Variants in NTRK2 observed in about 807,000 individuals in gnomAD.
The protein encoded by NTRK2 is BDNF/NT-3 growth factors receptor.
A neutral mutation model predicts 94.5 loss-of-function variants in NTRK2; 13 were observed. The observed-to-expected ratio is 0.14, with a 90% CI of 0.09 to 0.22. NTRK2 has a LOEUF of 0.22. Among genes scored for constraint, NTRK2 ranks in the 10% least tolerant of loss-of-function variants. The pLI is 1.00. For missense variants in NTRK2, 639 were observed against 1,071.2 expected (o/e 0.60, Z 5.63); for synonymous variants, 372 against 407.4 (o/e 0.91, Z 1.05).
chr9:84,785,503 C>T (rs537858774), intron 12 of NTRK2, among the ~76,000 whole-genome samples: 10 of 152,232 alleles, frequency 6.6e-5, no homozygotes, highest in South Asian at 6.2e-4. Context: ...AAGTGGCTTC[C>T]GTGGATCAAG....
intron 7 of NTRK2, 100 bp downstream of exon 7, chr9:84,723,809 G>T (rs927242606): frequency 3.4e-6 from 5 of 1,489,338 alleles, no homozygotes; most frequent in Non-Finnish European, 3.7e-6. Flanking sequence ...ATTTTATAAG[G>T]CTACATATAG....
intron 9 of NTRK2, among the ~76,000 whole-genome samples, chr9:84,738,724 GTTTA>G (rs1277806449): frequency 1.3e-5 from 2 of 151,570 alleles, no homozygotes; most frequent in African/African-American, 2.4e-5. Context: ...ACTGAGAGGT[GTTTA>G]TTTGTTGTGG....
At chr9:85,006,382 C>T (rs2133460138) in intron 17 of NTRK2, among the ~76,000 whole-genome samples, 1 of 152,310 alleles carries the variant, frequency 6.6e-6, no homozygotes, top group Non-Finnish European at 1.5e-5. Context: ...TTAAGCTCTG[C>T]TGGCCCTCTT....
intron 14 of NTRK2, among the ~76,000 whole-genome samples, chr9:84,928,706 T>G (rs990913413): frequency 3.9e-5 from 6 of 152,180 alleles, no homozygotes; most frequent in African/African-American, 1.4e-4. Flanking sequence ...GTCTCGATGA[T>G]CTTTAAGTTC....
chr9:85,024,865 A>T lies in NTRK2; in HGVS notation c.*3428A>T. On this transcript the variant is annotated 3_prime_UTR_variant, in exon 19 of 19. Transcript: ENST00000277120. ...GATTATATCAGAATTCATATTATAC[A>T]TGTGTTCACATCAGCGCTACCTGTG... The T allele has an allele frequency of 4.3e-6, 1 of 232,948 alleles. No individual in the cohort carries two copies. The highest frequency in any genetic ancestry group is 8.5e-6 in the Non-Finnish European group (1 of 117,858). The allele number at this position is 232,948 out of a possible 1,614,324, so 14.4% of individuals were successfully genotyped here. A position where few individuals can be genotyped will look rare whatever the true frequency, so the allele number is the denominator to read the frequency against.
intron 11 of NTRK2, among the ~76,000 whole-genome samples, chr9:84,745,542 G>A (rs560354058): frequency 1.2e-4 from 18 of 152,274 alleles, no homozygotes; most frequent in African/African-American, 4.3e-4. Context: ...GTGAATATTA[G>A]CACCTCAAAT....
chr9:84,709,561 A>G (rs2061305738), intron 5 of NTRK2, among the ~76,000 whole-genome samples: 1 of 152,166 alleles, frequency 6.6e-6, no homozygotes, highest in Non-Finnish European at 1.5e-5. Context: ...AACTCCTGGA[A>G]AAGTCTCCAG....
intron 6 of NTRK2, among the ~76,000 whole-genome samples, chr9:84,720,851 A>G (rs1489153180): frequency 6.6e-6 from 1 of 152,214 alleles, no homozygotes; most frequent in African/African-American, 2.4e-5. Context: ...TGACAGAGGA[A>G]TGAACAACCT....
At chr9:84,897,944 G>T (rs1043776345) in intron 14 of NTRK2, among the ~76,000 whole-genome samples, 3 of 152,210 alleles carry the variant, frequency 2.0e-5, no homozygotes, top group Admixed American at 2.0e-4. Context: ...TTAGCCCAGG[G>T]TGGGCAGAGG....
intron 14 of NTRK2, among the ~76,000 whole-genome samples, chr9:84,916,102 T>C (rs1202844973): frequency 6.6e-6 from 1 of 151,892 alleles, no homozygotes; most frequent in Non-Finnish European, 1.5e-5. Context: ...AAAGGGTAGG[T>C]CAAGTCTACC....
At chr9:84,950,749 A>T (rs1411751089) in intron 16 of NTRK2, among the ~76,000 whole-genome samples, 1 of 152,192 alleles carries the variant, frequency 6.6e-6, no homozygotes, top group Non-Finnish European at 1.5e-5. Flanking sequence ...GTATCATTTA[A>T]TCCATCTCAA....
At chr9:84,694,899 C>T (rs760331776) in intron 2 of NTRK2, among the ~76,000 whole-genome samples, 11 of 151,522 alleles carry the variant, frequency 7.3e-5, no homozygotes, top group South Asian at 2.1e-4. Context: ...ATCTATTGGC[C>T]GGGCGCGGTG....
intron 17 of NTRK2, among the ~76,000 whole-genome samples, chr9:84,997,403 A>C (rs1829879023): frequency 6.6e-6 from 1 of 152,194 alleles, no homozygotes. Context: ...CCCTAAGGAC[A>C]GGCACCCAGG....
At chr9:84,857,979 T>C (rs913812319) in intron 12 of NTRK2, among the ~76,000 whole-genome samples, 13 of 152,178 alleles carry the variant, frequency 8.5e-5, no homozygotes, top group African/African-American at 2.9e-4. Context: ...GACTCCTAAA[T>C]CTGTTTTCCT....
chr9:84,870,110 T>TATATAC (rs2075775494), intron 14 of NTRK2, among the ~76,000 whole-genome samples: 1 of 131,622 alleles, frequency 7.6e-6, no homozygotes, highest in African/African-American at 2.9e-5. Context: ...TATATATATA[T>TATATAC]ATATATATAT....
chr9:84,926,169 C>CTTGCTTTCTTT (rs2077789303), intron 14 of NTRK2, among the ~76,000 whole-genome samples: 13 of 38,514 alleles, frequency 3.4e-4, no homozygotes, highest in African/African-American at 1.2e-3. Flanking sequence ...TTCCTTCCTT[C>CTTGCTTTCTTT]CTTTCTTTCT....
At chr9:84,984,408 G>T (rs1828034822) in intron 17 of NTRK2, among the ~76,000 whole-genome samples, 1 of 152,134 alleles carries the variant, frequency 6.6e-6, no homozygotes, top group Non-Finnish European at 1.5e-5. Context: ...GGAGGCGGAG[G>T]TTGTAGTTAG....
intron 12 of NTRK2, among the ~76,000 whole-genome samples, chr9:84,819,633 C>T (rs1446803338): frequency 3.3e-5 from 5 of 152,216 alleles, no homozygotes. Flanking sequence ...ACTGGCAGGT[C>T]TCAGGCAGAG....
At chr9:84,945,775 A>C (rs571378661) in intron 15 of NTRK2, among the ~76,000 whole-genome samples, 141 of 152,338 alleles carry the variant, frequency 9.3e-4, no homozygotes, top group Non-Finnish European at 1.5e-3. Context: ...CAACAGCCCC[A>C]TCGAAGCTTT....
Sources: gnomAD v4.1 joint callset for allele counts (sites outside exome capture counted in the v4.1 genomes callset) on GRCh38, gnomAD v4.1.1 for gene constraint, MANE v1.5 for transcripts, NCBI Gene and HGNC (gene_info 2026-07-23, HGNC 2026-07-21) for gene names.